AMPH: variants seen among roughly 807,000 people sequenced by gnomAD.
AMPH encodes the protein amphiphysin (Stiff-Mann syndrome with breast cancer 128kD autoantigen).
In AMPH, 49 loss-of-function variants were observed where a neutral mutation model predicts 99.1. The observed-to-expected ratio is 0.49, with a 90% confidence interval of 0.39 to 0.63. AMPH has a LOEUF of 0.63. Ranked by LOEUF, AMPH falls within the 20% of genes least tolerant of loss-of-function variation. The probability of loss-of-function intolerance (pLI) is 0.00; values close to 1 mark genes in which losing one functional copy is unlikely to be tolerated. For missense variants in AMPH, 759 were observed against 863.4 expected (o/e 0.88, Z 1.52); for synonymous variants, 314 against 317.3 (o/e 0.99, Z 0.11).
intron 17 of AMPH, among the ~76,000 whole-genome samples, chr7:38,417,162 T>C (rs749161949): frequency 7.2e-5 from 11 of 152,202 alleles, no homozygotes; most frequent in Non-Finnish European, 1.0e-4. Context: ...CAATGTCCAA[T>C]TCTACTTGGT....
intron 7 of AMPH, among the ~76,000 whole-genome samples, chr7:38,471,750 A>C (rs1787896275): frequency 6.6e-6 from 1 of 152,196 alleles, no homozygotes; most frequent in South Asian, 2.1e-4. Flanking sequence ...TACAAGAGAC[A>C]CAATTTAAAT....
intron 4 of AMPH, among the ~76,000 whole-genome samples, chr7:38,492,329 T>C (rs1584162248): frequency 6.6e-6 from 1 of 152,198 alleles, no homozygotes. Context: ...TGAGAGCTGA[T>C]GGCCAGTGCT....
At chr7:38,555,186 C>T (rs1791320483) in intron 1 of AMPH, among the ~76,000 whole-genome samples, 1 of 151,678 alleles carries the variant, frequency 6.6e-6, no homozygotes, top group African/African-American at 2.4e-5. Flanking sequence ...TGAACAATCA[C>T]TTGAGGCCAG....
At chr7:38,625,384 T>C (rs550383328) in intron 1 of AMPH, among the ~76,000 whole-genome samples, 22 of 152,294 alleles carry the variant, frequency 1.4e-4, no homozygotes, top group Admixed American at 4.6e-4. Flanking sequence ...TAAAGTTCAT[T>C]TAAAAAATAA....
intron 14 of AMPH, chr7:38,429,150 T>C (rs772153827): frequency 7.8e-7 from 1 of 1,290,086 alleles, no homozygotes; most frequent in South Asian, 1.2e-5. Flanking sequence ...ATGACTTTCT[T>C]TGAACAGGCC....
intron 11 of AMPH, among the ~76,000 whole-genome samples, chr7:38,439,170 T>C (rs1281310532): frequency 6.6e-6 from 1 of 152,214 alleles, no homozygotes; most frequent in Admixed American, 6.5e-5. Flanking sequence ...GATTGAAAGT[T>C]TCCAGAGGCC....
intron 8 of AMPH, 107 bp downstream of exon 8, chr7:38,466,066 T>C (rs759981056): frequency 1.1e-6 from 1 of 892,160 alleles, no homozygotes. Flanking sequence ...AAAAGAAACA[T>C]ACAAAAGGGT....
At chr7:38,600,317 T>C (rs940993909) in intron 1 of AMPH, among the ~76,000 whole-genome samples, 2 of 152,160 alleles carry the variant, frequency 1.3e-5, no homozygotes, top group Non-Finnish European at 2.9e-5. Context: ...ATAATATTCC[T>C]TCCATTCCAT....
intron 16 of AMPH, among the ~76,000 whole-genome samples, chr7:38,420,073 C>A (rs1365073080): frequency 6.6e-6 from 1 of 151,962 alleles, no homozygotes; most frequent in Non-Finnish European, 1.5e-5. Context: ...GCTTATGTTC[C>A]CCACAAGTCA....
At chr7:38,544,645 G>A (rs893859493) in intron 1 of AMPH, among the ~76,000 whole-genome samples, 1 of 152,144 alleles carries the variant, frequency 6.6e-6, no homozygotes, top group East Asian at 1.9e-4. Context: ...AACAAAACTG[G>A]GCCTCACTTG....
chr7:38,401,133 C>T (rs1211499378), intron 17 of AMPH, among the ~76,000 whole-genome samples: 2 of 152,026 alleles, frequency 1.3e-5, no homozygotes, highest in African/African-American at 2.4e-5. Context: ...TAGCATTAAA[C>T]ACTAGTTGGT....
chr7:38,390,279 A>C (rs373080664), intron 19 of AMPH, among the ~76,000 whole-genome samples: 9 of 152,200 alleles, frequency 5.9e-5, no homozygotes, highest in Admixed American at 2.6e-4. Flanking sequence ...ATAATAAGGA[A>C]AACCACCACT....
chr7:38,493,032 T>C (rs988300320), intron 4 of AMPH, among the ~76,000 whole-genome samples: 1 of 152,218 alleles, frequency 6.6e-6, no homozygotes, highest in Non-Finnish European at 1.5e-5. Flanking sequence ...CTGAAAGTTT[T>C]TGAAAGATGT....
At chr7:38,558,833 T>C (rs575612337) in intron 1 of AMPH, among the ~76,000 whole-genome samples, 4 of 152,190 alleles carry the variant, frequency 2.6e-5, no homozygotes, top group South Asian at 4.2e-4. Context: ...AGAGTGACAA[T>C]TGATGAAAGA....
rs1397476826 is a variant in AMPH, at chr7:38,631,277, G to A, written c.69+6C>T. The A allele has an allele frequency of 6.6e-7, 1 of 1,524,632 alleles. No individual in the cohort carries two copies. The highest frequency in any genetic ancestry group is 8.8e-7 in the Non-Finnish European group (1 of 1,136,506). 94.4% of individuals were successfully genotyped at this position (1,524,632 alleles called of 1,614,324 possible). ...CCGGCCCCAGCCCCGGCCGCCCGCC[G>A]CTGACCTTTTCCTGCGCGCGGTTGA... On this transcript the variant is annotated splice_donor_region_variant and intron_variant, in intron 1 of 20. Coordinates refer to ENST00000356264, the MANE Select transcript of AMPH (RefSeq NM_001635.4).
intron 8 of AMPH, 105 bp downstream of exon 8, chr7:38,466,068 C>T: frequency 1.1e-6 from 1 of 914,166 alleles, no homozygotes; most frequent in South Asian, 1.6e-5. Context: ...AAGAAACATA[C>T]AAAAGGGTGA....
intron 2 of AMPH, among the ~76,000 whole-genome samples, chr7:38,531,609 T>C (rs1790399987): frequency 6.6e-6 from 1 of 152,168 alleles, no homozygotes; most frequent in South Asian, 2.1e-4. Context: ...TCAATAACTA[T>C]AAGGATCTTA....
chr7:38,584,070 CT>C (rs549908493), intron 1 of AMPH, among the ~76,000 whole-genome samples: 1 of 152,020 alleles, frequency 6.6e-6, no homozygotes, highest in Non-Finnish European at 1.5e-5. Flanking sequence ...ATGTGCATTT[CT>C]TTTTTTAAAA....
At chr7:38,430,483 G>T (rs889054689) in intron 13 of AMPH, among the ~76,000 whole-genome samples, 6 of 152,134 alleles carry the variant, frequency 3.9e-5, no homozygotes, top group African/African-American at 1.4e-4. Flanking sequence ...TTTGCATTTT[G>T]ATATCGCTAC....
Sources: allele counts gnomAD v4.1 joint callset (sites outside exome capture counted in the v4.1 genomes callset), GRCh38; gene constraint gnomAD v4.1.1; transcripts MANE v1.5; gene names NCBI Gene and HGNC (gene_info 2026-07-23, HGNC 2026-07-21).